The following RALGPS1 variants were observed in gnomAD, a reference collection of about 807,000 sequenced individuals.
RALGPS1 encodes ras-specific guanine nucleotide-releasing factor RalGPS1.
RALGPS1 carries 19 observed loss-of-function variants against 78.8 expected under a neutral mutation model. The observed-to-expected ratio is 0.24, with a 90% CI of 0.17 to 0.35. The LOEUF is 0.35. Ranked by LOEUF, RALGPS1 falls within the 10% of genes least tolerant of loss-of-function variation. The probability of loss-of-function intolerance (pLI) is 1.00; values close to 1 mark genes in which losing one functional copy is unlikely to be tolerated. For missense variants in RALGPS1, 454 were observed against 688.3 expected (o/e 0.66, Z 3.81); for synonymous variants, 228 against 256.3 (o/e 0.89, Z 1.06).
At chr9:127,036,056 G>A (rs1263297597) in intron 5 of RALGPS1, among the ~76,000 whole-genome samples, 2 of 152,234 alleles carry the variant, frequency 1.3e-5, no homozygotes, top group African/African-American at 2.4e-5. Flanking sequence ...TGCTTTGCAT[G>A]TGGATGCCAG....
intron 8 of RALGPS1, among the ~76,000 whole-genome samples, chr9:127,131,441 A>G (rs2056997868): frequency 6.6e-6 from 1 of 152,142 alleles, no homozygotes; most frequent in South Asian, 2.1e-4. Flanking sequence ...CACTCACCAC[A>G]TGCCTGGCAC....
chr9:127,011,662 G>T (rs1461883858), intron 4 of RALGPS1, among the ~76,000 whole-genome samples: 1 of 152,124 alleles, frequency 6.6e-6, no homozygotes, highest in Non-Finnish European at 1.5e-5. Flanking sequence ...GACTGAGACA[G>T]TTAGGTTGAC....
At chr9:127,186,963 G>A (rs2060689630) in intron 11 of RALGPS1, among the ~76,000 whole-genome samples, 1 of 152,166 alleles carries the variant, frequency 6.6e-6, no homozygotes, top group South Asian at 2.1e-4. Context: ...GGAGCTAGAG[G>A]CAGGAAGCAC....
At chr9:127,184,708 C>T (rs903298165) in intron 11 of RALGPS1, among the ~76,000 whole-genome samples, 26 of 152,218 alleles carry the variant, frequency 1.7e-4, no homozygotes, top group African/African-American at 5.3e-4. Flanking sequence ...TTGTCAAGCC[C>T]CCTCCTCCAG....
At chr9:127,096,772 A>G (rs1538501) in intron 8 of RALGPS1, among the ~76,000 whole-genome samples, 3,725 of 152,302 alleles carry the variant, frequency 0.024, 56 homozygotes, top group Middle Eastern at 0.051. Context: ...TGGATTCCCA[A>G]AGTCCCAGGT....
chr9:127,108,090 G>A (rs765819647), intron 8 of RALGPS1: 122 of 1,611,672 alleles, frequency 7.6e-5, no homozygotes, highest in Non-Finnish European at 9.4e-5. Context: ...GGGGTGGCTG[G>A]GGGACGGGCC....
intron 11 of RALGPS1, chr9:127,184,002 C>G (rs758344268): frequency 8.4e-6 from 13 of 1,550,056 alleles, no homozygotes; most frequent in Non-Finnish European, 1.1e-5. Flanking sequence ...TCTGCTGCTC[C>G]GCGCTCCCCG....
chr9:127,203,525 C>G (rs766668109), intron 14 of RALGPS1, among the ~76,000 whole-genome samples: 31 of 151,744 alleles, frequency 2.0e-4, no homozygotes, highest in Non-Finnish European at 4.0e-4. Context: ...ATGGGGGGGT[C>G]CTTGGAAGGC....
intron 14 of RALGPS1, among the ~76,000 whole-genome samples, chr9:127,200,821 C>T (rs148000743): frequency 0.013 from 1,968 of 152,364 alleles, 19 homozygotes; most frequent in Middle Eastern, 0.034. Context: ...AGGCCAGCAC[C>T]TCCCCTGGCC....
intron 3 of RALGPS1, among the ~76,000 whole-genome samples, chr9:126,971,904 T>C (rs1363029999): frequency 4.6e-5 from 7 of 152,322 alleles, no homozygotes; most frequent in African/African-American, 1.7e-4. Context: ...GACCAAGATT[T>C]TCAAAATAGA....
intron 2 of RALGPS1, among the ~76,000 whole-genome samples, chr9:126,964,965 G>A (rs996537603): frequency 1.1e-4 from 17 of 152,172 alleles, no homozygotes; most frequent in Non-Finnish European, 2.1e-4. Flanking sequence ...GAGCTGAGAC[G>A]AATAAAATCA....
intron 1 of RALGPS1, among the ~76,000 whole-genome samples, chr9:126,919,579 T>C (rs2034541175): frequency 6.6e-6 from 1 of 152,186 alleles, no homozygotes; most frequent in Non-Finnish European, 1.5e-5. Flanking sequence ...ATCTGTAAAA[T>C]AGATAATGAT....
intron 1 of RALGPS1, among the ~76,000 whole-genome samples, chr9:126,933,446 T>C (rs2035982059): frequency 6.6e-6 from 1 of 152,178 alleles, no homozygotes; most frequent in Admixed American, 6.5e-5. Flanking sequence ...GTTCTGAAGA[T>C]GTTCTTAGGC....
chr9:126,969,740 A>G (rs2132397118), intron 3 of RALGPS1, among the ~76,000 whole-genome samples: 3 of 152,352 alleles, frequency 2.0e-5, no homozygotes, highest in Admixed American at 2.0e-4. Context: ...ATTGCCTAAC[A>G]GGACTCCTTG....
At chr9:127,141,556 G>A (rs979734451) in intron 8 of RALGPS1, among the ~76,000 whole-genome samples, 14 of 145,100 alleles carry the variant, frequency 9.6e-5, no homozygotes, top group Non-Finnish European at 1.6e-4. Flanking sequence ...TCATGGGCAA[G>A]GGAAGCTTCA....
At chr9:126,986,576 G>T (rs1193432569) in intron 4 of RALGPS1, among the ~76,000 whole-genome samples, 1 of 152,260 alleles carries the variant, frequency 6.6e-6, no homozygotes, top group East Asian at 1.9e-4. Context: ...AGTATGTCCA[G>T]TTCCCAGCCT....
intron 7 of RALGPS1, among the ~76,000 whole-genome samples, chr9:127,063,584 T>C (rs1278860239): frequency 6.6e-6 from 1 of 152,190 alleles, no homozygotes; most frequent in East Asian, 1.9e-4. Context: ...ATATTTAGCT[T>C]TTTTTAGTTT....
chr9:127,122,988 T>C lies in RALGPS1; in HGVS notation c.611-43081T>C, dbSNP rs1164381496. 6.6e-6 allele frequency: 1 copy of C among 152,354 alleles called. No individual in the cohort carries two copies. The highest frequency in any genetic ancestry group is 1.5e-5 in the Non-Finnish European group (1 of 68,150). 9.4% of individuals were successfully genotyped at this position (152,354 alleles called of 1,614,324 possible). ...GCTGCGAGGCGGAGCGCTTCCCCTTTGACTCAGGGAATGGGTTTAGATCCG... is the reference window on the plus strand; with the variant it reads ...GCTGCGAGGCGGAGCGCTTCCCCTTCGACTCAGGGAATGGGTTTAGATCCG... On this transcript the variant is annotated intron_variant, in intron 8 of 18. Transcript: ENST00000259351. This position sits in a 1 kb window ranked among gnomAD's most constrained non-coding sequence, Gnocchi z 6.4.
chr9:127,088,839 C>T (rs1022791488), intron 8 of RALGPS1: 16 of 1,387,508 alleles, frequency 1.2e-5, no homozygotes, highest in Non-Finnish European at 1.6e-5. Context: ...TCCTCCCAGC[C>T]TCAGGATGAA....
Sources: allele counts gnomAD v4.1 joint callset (sites outside exome capture counted in the v4.1 genomes callset), GRCh38; gene constraint gnomAD v4.1.1; non-coding constraint Gnocchi (gnomAD v3.1); transcripts MANE v1.5; gene names NCBI Gene and HGNC (gene_info 2026-07-23, HGNC 2026-07-21).